The following RABGAP1L variants were observed in gnomAD, a reference collection of about 807,000 sequenced individuals.
RABGAP1L encodes the protein RAB GTPase activating protein 1 like, also known as rab GTPase-activating protein 1-like.
Under a neutral mutation model 137.7 loss-of-function variants are expected in RABGAP1L, and 63 were observed. That is an observed-to-expected ratio of 0.46 (90% CI 0.37 to 0.56). RABGAP1L has a LOEUF of 0.56. Among genes scored for constraint, RABGAP1L ranks in the 20% least tolerant of loss-of-function variants. The probability of loss-of-function intolerance (pLI) is 0.00; values close to 1 mark genes in which losing one functional copy is unlikely to be tolerated. For synonymous variants in RABGAP1L, 431 were observed against 433.7 expected (o/e 0.99, Z 0.08); for missense variants, 1,095 against 1,244.0 (o/e 0.88, Z 1.80).
chr1:174,986,079 C>T (rs1671569680), intron 24 of RABGAP1L, among the ~76,000 whole-genome samples: 1 of 152,124 alleles, frequency 6.6e-6, no homozygotes, highest in Admixed American at 6.5e-5. Flanking sequence ...CATGGGATTA[C>T]AGTCACGCGC....
chr1:174,497,838 A>G (rs2089248936), intron 13 of RABGAP1L, among the ~76,000 whole-genome samples: 1 of 152,258 alleles, frequency 6.6e-6, no homozygotes, highest in Non-Finnish European at 1.5e-5. Context: ...CTGATTAGCT[A>G]CTTCATCTGT....
intron 1 of RABGAP1L, among the ~76,000 whole-genome samples, chr1:174,211,248 A>G (rs1668863019): frequency 1.3e-5 from 2 of 152,196 alleles, no homozygotes; most frequent in South Asian, 2.1e-4. Flanking sequence ...GAAAGACTAA[A>G]TGATGAACCA....
At chr1:174,439,087 C>G (rs1474357474) in intron 13 of RABGAP1L, among the ~76,000 whole-genome samples, 2 of 150,954 alleles carry the variant, frequency 1.3e-5, no homozygotes, top group Non-Finnish European at 2.9e-5. Context: ...GCTGGGACCT[C>G]TAGTACAATG....
At chr1:174,562,848 C>G (rs2148022325) in intron 13 of RABGAP1L, among the ~76,000 whole-genome samples, 1 of 152,064 alleles carries the variant, frequency 6.6e-6, no homozygotes, top group South Asian at 2.1e-4. Flanking sequence ...ACACTGGGAT[C>G]TGTGAGGGGC....
intron 14 of RABGAP1L, among the ~76,000 whole-genome samples, chr1:174,666,533 A>G (rs1448534188): frequency 6.6e-6 from 1 of 152,252 alleles, no homozygotes; most frequent in Non-Finnish European, 1.5e-5. Context: ...GTATGTTAGC[A>G]GTACCAAGAA....
chr1:174,452,405 T>A (rs1236680450), intron 13 of RABGAP1L, among the ~76,000 whole-genome samples: 1 of 152,164 alleles, frequency 6.6e-6, no homozygotes, highest in African/African-American at 2.4e-5. Context: ...AACCTTAGTT[T>A]TGGCATTGAT....
chr1:174,519,973 T>A (rs1230242101), intron 13 of RABGAP1L, among the ~76,000 whole-genome samples: 1 of 152,204 alleles, frequency 6.6e-6, no homozygotes, highest in Non-Finnish European at 1.5e-5. Context: ...ATTATCTCTG[T>A]CTTGCACTAT....
chr1:174,622,997 T>C (rs1422235190), intron 13 of RABGAP1L, among the ~76,000 whole-genome samples: 1 of 152,230 alleles, frequency 6.6e-6, no homozygotes, highest in African/African-American at 2.4e-5. Flanking sequence ...TTTTAATAGT[T>C]ATGTGATCAA....
chr1:174,832,967 T>C (rs767138273), intron 19 of RABGAP1L, among the ~76,000 whole-genome samples: 6 of 152,164 alleles, frequency 3.9e-5, no homozygotes, highest in Non-Finnish European at 7.4e-5. Context: ...ATTGACCCAA[T>C]TCTATAGATC....
intron 13 of RABGAP1L, among the ~76,000 whole-genome samples, chr1:174,409,076 A>T (rs768516533): frequency 1.3e-5 from 2 of 152,076 alleles, no homozygotes; most frequent in African/African-American, 2.4e-5. Context: ...ATTAGGTCCT[A>T]CTTGTTAATT....
intron 1 of RABGAP1L, among the ~76,000 whole-genome samples, chr1:174,192,286 C>T (rs146663697): frequency 9.6e-4 from 139 of 144,078 alleles, no homozygotes; most frequent in Non-Finnish European, 1.6e-3. Flanking sequence ...TCAAGAGAGT[C>T]TAATTGAGTC....
At chr1:174,621,470 TAACCAAAACAGC>T (rs1557913989) in intron 13 of RABGAP1L, among the ~76,000 whole-genome samples, 2 of 152,112 alleles carry the variant, frequency 1.3e-5, no homozygotes, top group African/African-American at 4.8e-5. Context: ...AAGGCTACAG[TAACCAAAACAGC>T]ATGGTACTGG....
chr1:174,386,315 A>C (rs1686771730), intron 12 of RABGAP1L, among the ~76,000 whole-genome samples: 1 of 152,194 alleles, frequency 6.6e-6, no homozygotes, highest in Admixed American at 6.5e-5. Context: ...GCATAGCTAT[A>C]TTAGGTAGCT....
intron 19 of RABGAP1L, among the ~76,000 whole-genome samples, chr1:174,848,427 TG>T (rs1255448720): frequency 4.2e-5 from 6 of 144,074 alleles, no homozygotes; most frequent in Non-Finnish European, 7.6e-5. Context: ...CCTTTCTGTT[TG>T]TTAGTTTTCC....
At chr1:174,852,703 C>A (rs977440402) in intron 19 of RABGAP1L, among the ~76,000 whole-genome samples, 1 of 151,984 alleles carries the variant, frequency 6.6e-6, no homozygotes, top group Non-Finnish European at 1.5e-5. Context: ...GTAATCCCAG[C>A]TACTCAGGAG....
intron 7 of RABGAP1L, among the ~76,000 whole-genome samples, chr1:174,261,330 G>A (rs1673564257): frequency 6.6e-6 from 1 of 152,112 alleles, no homozygotes; most frequent in Non-Finnish European, 1.5e-5. Context: ...ACTTCTAAAT[G>A]ACAGTGATCA....
At chr1:174,922,006 T>C (rs1327256879) in intron 19 of RABGAP1L, 3 of 152,274 alleles carry the variant, frequency 2.0e-5, no homozygotes, top group Non-Finnish European at 4.4e-5. Flanking sequence ...GCTGTTTTGA[T>C]ACATTCACTC....
intron 13 of RABGAP1L, among the ~76,000 whole-genome samples, chr1:174,504,130 G>A (rs1030607014): frequency 2.6e-5 from 4 of 151,782 alleles, no homozygotes; most frequent in African/African-American, 9.7e-5. Context: ...CAGCCACCAT[G>A]CCTGGCTAAT....
At chr1:174,941,490 C>G (rs1408869309) in intron 19 of RABGAP1L, among the ~76,000 whole-genome samples, 1 of 152,192 alleles carries the variant, frequency 6.6e-6, no homozygotes, top group East Asian at 1.9e-4. Flanking sequence ...ATGAATTGCT[C>G]ATAAGATTCT....
Sources: allele counts gnomAD v4.1 joint callset (sites outside exome capture counted in the v4.1 genomes callset), GRCh38; gene constraint gnomAD v4.1.1; transcripts MANE v1.5; gene names NCBI Gene and HGNC (gene_info 2026-07-23, HGNC 2026-07-21).